The following KLF12 variants were observed in gnomAD, a reference collection of about 807,000 sequenced individuals.
KLF12 encodes the protein Krueppel-like factor 12.
Under a neutral mutation model 37.8 loss-of-function variants are expected in KLF12, and 9 were observed. The ratio of observed to expected loss-of-function variants is 0.24; its 90% CI spans 0.14 to 0.42. The LOEUF is 0.42. KLF12 is among the 10% of genes least tolerant of loss of function. KLF12 has a pLI of 1.00. For missense variants in KLF12, 411 were observed against 516.0 expected (o/e 0.80, Z 1.97); for synonymous variants, 208 against 202.1 (o/e 1.03, Z -0.25).
At chr13:73,859,093 A>G (rs1455798691) in intron 3 of KLF12, among the ~76,000 whole-genome samples, 2 of 152,154 alleles carry the variant, frequency 1.3e-5, no homozygotes, top group Non-Finnish European at 2.9e-5. Flanking sequence ...GGAGTATGGG[A>G]GGAGCCTCTC....
the KLF12 span, among the ~76,000 whole-genome samples, chr13:74,278,244 G>T: frequency 6.6e-6 from 1 of 152,118 alleles, no homozygotes; most frequent in African/African-American, 2.4e-5. Flanking sequence ...TAGGAATCTG[G>T]TGACAGCTGC....
chr13:74,283,272 A>G, the KLF12 span, among the ~76,000 whole-genome samples: 3 of 152,218 alleles, frequency 2.0e-5, no homozygotes, highest in African/African-American at 7.2e-5. Flanking sequence ...TTACTTCATG[A>G]ATATTCTAAT....
chr13:73,753,990 C>T (rs1878969278), intron 6 of KLF12, among the ~76,000 whole-genome samples: 1 of 152,158 alleles, frequency 6.6e-6, no homozygotes, highest in Non-Finnish European at 1.5e-5. Flanking sequence ...TCAATCAAGC[C>T]TCCCACTCAG....
chr13:73,963,167 T>C (rs1891070775), intron 2 of KLF12, among the ~76,000 whole-genome samples: 1 of 152,140 alleles, frequency 6.6e-6, no homozygotes, highest in Non-Finnish European at 1.5e-5. Context: ...AAAATACAAT[T>C]AAATAAAGCA....
At chr13:74,185,968 T>A in the KLF12 span, among the ~76,000 whole-genome samples, 646 of 152,234 alleles carry the variant, frequency 4.2e-3, 5 homozygotes, top group African/African-American at 0.014. Context: ...TTGTGGTAGG[T>A]CACTTGGAAG....
At chr13:73,721,497 G>A (rs1301105757) in intron 6 of KLF12, among the ~76,000 whole-genome samples, 2 of 152,076 alleles carry the variant, frequency 1.3e-5, no homozygotes, top group East Asian at 3.9e-4. Context: ...TGTCAGATGG[G>A]CATTCAGTAC....
At chr13:73,810,787 T>G (rs1428257996) in intron 5 of KLF12, among the ~76,000 whole-genome samples, 2 of 151,962 alleles carry the variant, frequency 1.3e-5, no homozygotes, top group African/African-American at 4.8e-5. Flanking sequence ...GAACACAGAC[T>G]CCTCAATTTT....
chr13:74,074,487 A>C (rs570761639), intron 1 of KLF12, among the ~76,000 whole-genome samples: 95 of 152,160 alleles, frequency 6.2e-4, no homozygotes, highest in Non-Finnish European at 9.8e-4. Flanking sequence ...CCAAAACTCC[A>C]TAATTCAGTG....
chr13:74,160,175 T>C, the KLF12 span, among the ~76,000 whole-genome samples: 27 of 152,308 alleles, frequency 1.8e-4, no homozygotes, highest in African/African-American at 6.3e-4. Context: ...GAACATCCTA[T>C]TTCAGAATTT....
chr13:74,118,206 G>A (rs1451316988), intron 1 of KLF12, among the ~76,000 whole-genome samples: 1 of 152,172 alleles, frequency 6.6e-6, no homozygotes, highest in Non-Finnish European at 1.5e-5. Context: ...TATGAAACAA[G>A]ATGGCAAAAT....
intron 4 of KLF12, among the ~76,000 whole-genome samples, chr13:73,842,286 C>T (rs148983761): frequency 2.0e-4 from 30 of 152,232 alleles, no homozygotes; most frequent in African/African-American, 4.8e-4. Context: ...TCTCTATTTG[C>T]GATTATAATT....
chr13:73,990,840 C>G (rs1336541647), intron 2 of KLF12, among the ~76,000 whole-genome samples: 1 of 151,654 alleles, frequency 6.6e-6, no homozygotes, highest in African/African-American at 2.4e-5. Flanking sequence ...GTAAGAGATG[C>G]AAGGTATAAA....
At chr13:73,787,657 A>G (rs1881432567) in intron 5 of KLF12, among the ~76,000 whole-genome samples, 1 of 152,208 alleles carries the variant, frequency 6.6e-6, no homozygotes, top group Non-Finnish European at 1.5e-5. Flanking sequence ...AAGCTGGTAC[A>G]TGGAAGTTTG....
intron 1 of KLF12, among the ~76,000 whole-genome samples, chr13:74,116,557 A>G (rs1877313243): frequency 1.3e-5 from 2 of 152,332 alleles, no homozygotes; most frequent in South Asian, 2.1e-4. Flanking sequence ...TTCACTGAGA[A>G]TAAGTTGATT....
At chr13:73,819,148 G>A (rs778766271) in intron 4 of KLF12, among the ~76,000 whole-genome samples, 6 of 152,168 alleles carry the variant, frequency 3.9e-5, no homozygotes, top group Non-Finnish European at 8.8e-5. Context: ...TCTGGCTTCA[G>A]GGAACATGGG....
chr13:73,796,231 A>C (rs1881953991), intron 5 of KLF12, among the ~76,000 whole-genome samples: 1 of 152,056 alleles, frequency 6.6e-6, no homozygotes, highest in Non-Finnish European at 1.5e-5. Flanking sequence ...TCCCTTACAC[A>C]TTTCTACATT....
intron 2 of KLF12, among the ~76,000 whole-genome samples, chr13:73,970,720 T>C (rs776976487): frequency 7.2e-5 from 11 of 151,872 alleles, no homozygotes; most frequent in Non-Finnish European, 1.5e-4. Context: ...CCTATGAAAA[T>C]GTGGAAATGC....
At chr13:73,749,589 T>C (rs1363766797) in intron 6 of KLF12, among the ~76,000 whole-genome samples, 2 of 152,156 alleles carry the variant, frequency 1.3e-5, no homozygotes, top group Non-Finnish European at 2.9e-5. Context: ...ATCAAGCTCT[T>C]TTCACTCAGC....
intron 5 of KLF12, among the ~76,000 whole-genome samples, chr13:73,807,879 G>A (rs1882729179): frequency 6.6e-6 from 1 of 152,020 alleles, no homozygotes; most frequent in South Asian, 2.1e-4. Flanking sequence ...ATTCCTCCAG[G>A]GAGTGCTCCC....
Sources: allele counts gnomAD v4.1 joint callset (sites outside exome capture counted in the v4.1 genomes callset), GRCh38; gene constraint gnomAD v4.1.1; transcripts MANE v1.5; gene names NCBI Gene and HGNC (gene_info 2026-07-23, HGNC 2026-07-21).